Variants in STOM observed in about 807,000 individuals in gnomAD.
STOM encodes stomatin.
STOM carries 25 observed loss-of-function variants against 30.6 expected under a neutral mutation model. The observed-to-expected ratio is 0.82, with a 90% CI of 0.60 to 1.14. STOM has a LOEUF of 1.14. STOM is among the 50% of genes most tolerant of loss of function. The pLI is 0.00. For synonymous variants in STOM, 118 were observed against 130.8 expected, an observed-to-expected ratio of 0.90 and a Z score of 0.67; for missense variants, 292 against 365.2, an observed-to-expected ratio of 0.80 and a Z score of 1.63.
At chr9:121,341,767 A>G (rs1342383980) in intron 6 of STOM, among the ~76,000 whole-genome samples, 2 of 152,224 alleles carry the variant, frequency 1.3e-5, no homozygotes, top group Non-Finnish European at 2.9e-5. Flanking sequence ...CAATTCTCTG[A>G]TGAGTACCTT....
Position 121,340,524 on chromosome 9 carries a change from G to A in STOM, c.*678C>T. On this transcript the variant is annotated 3_prime_UTR_variant, in exon 7 of 7. Coordinates refer to ENST00000286713, the MANE Select transcript of STOM (RefSeq NM_004099.6). ...GGCAGAGGTGGGTGGATCACCTGAG[G>A]TTAGGAGTTCGTGACTAGCCTGGCC... The A allele has an allele frequency of 1.1e-6, 1 of 870,488 alleles. No individual in the cohort carries two copies. The highest frequency in any genetic ancestry group is 5.8e-4 in the Middle Eastern group (1 of 1,716). 53.9% of individuals were successfully genotyped at this position (870,488 alleles called of 1,614,324 possible).
intron 1 of STOM, among the ~76,000 whole-genome samples, chr9:121,362,351 T>C (rs2064461757): frequency 1.3e-5 from 2 of 152,216 alleles, no homozygotes; most frequent in Admixed American, 1.3e-4. Context: ...AAGAATGGTA[T>C]ACACAGTGAT....
intron 6 of STOM, among the ~76,000 whole-genome samples, chr9:121,341,762 C>A (rs1215713807): frequency 6.6e-6 from 1 of 152,150 alleles, no homozygotes; most frequent in African/African-American, 2.4e-5. Flanking sequence ...ATTTCCAATT[C>A]TCTGATGAGT....
chr9:121,340,985 T>G lies in STOM; in HGVS notation c.*217A>C. The G allele has an allele frequency of 7.2e-7, 1 of 1,396,866 alleles. No individual in the cohort carries two copies. The highest frequency in any genetic ancestry group is 1.4e-5 in the African/African-American group (1 of 69,024). 86.5% of individuals were successfully genotyped at this position (1,396,866 alleles called of 1,614,324 possible). A position where few individuals can be genotyped will look rare whatever the true frequency, so the allele number is the denominator to read the frequency against. On this transcript the variant is annotated 3_prime_UTR_variant, in exon 7 of 7. Transcript: ENST00000286713. ...ACATAATAATCTAAAAATACAAACT[T>G]TTAACTATTTTAAGACTAACAGATT...
chr9:121,354,724 C>T (rs751855595), intron 2 of STOM, 51 bp from the exon 3 acceptor site: 4 of 1,347,790 alleles, frequency 3.0e-6, no homozygotes, highest in Non-Finnish European at 4.2e-6. Flanking sequence ...CAAATATATA[C>T]ATGCATGGCT....
chr9:121,370,135 G>A lies in STOM; in HGVS notation c.53C>T (p.Ser18Phe), dbSNP rs2064551129. The A allele has an allele frequency of 6.5e-7, 1 of 1,545,490 alleles. No individual in the cohort carries two copies. The stretch of plus-strand genomic sequence containing the variant: ...GGGGACGCGGGACTCACCCTTGAAG[G>A]AGTCGGGGAGCCGCTGGGCTTCGGA... ...RDSEAQRLPDSFKDSPSKGLG... is the reference protein window; with the variant it reads ...RDSEAQRLPDFFKDSPSKGLG... The change falls in exon 1 of 7, where the codon TCC (serine) becomes TTC (phenylalanine). Residue 18 changes from serine (S) to phenylalanine (F), a missense_variant. Ser to Phe is a radical substitution (Grantham distance 155, BLOSUM62 -2). Transcript: ENST00000286713.
At chr9:121,360,403 G>C (rs182485154) in intron 1 of STOM, among the ~76,000 whole-genome samples, 1 of 152,040 alleles carries the variant, frequency 6.6e-6, no homozygotes, top group Non-Finnish European at 1.5e-5. Flanking sequence ...GAGATTCCCT[G>C]AGAACGAGGA....
At chr9:121,358,897 T>C (rs933633418) in intron 1 of STOM, among the ~76,000 whole-genome samples, 2 of 152,216 alleles carry the variant, frequency 1.3e-5, no homozygotes, top group Admixed American at 6.5e-5. Context: ...TGGACTTCCT[T>C]CATCTGGTGT....
intron 1 of STOM, among the ~76,000 whole-genome samples, chr9:121,369,706 G>C (rs374528877): frequency 2.6e-5 from 4 of 152,164 alleles, no homozygotes; most frequent in African/African-American, 7.2e-5. Flanking sequence ...GGCCAGGGCT[G>C]GGTGGAGGAG....
intron 1 of STOM, among the ~76,000 whole-genome samples, chr9:121,367,357 T>C (rs903769221): frequency 3.3e-5 from 5 of 152,172 alleles, no homozygotes; most frequent in African/African-American, 1.2e-4. Flanking sequence ...CTAGGTAAAA[T>C]TTATACCATC....
intron 1 of STOM, among the ~76,000 whole-genome samples, chr9:121,356,896 T>C (rs1287713240): frequency 6.6e-6 from 1 of 152,056 alleles, no homozygotes; most frequent in Non-Finnish European, 1.5e-5. Context: ...GGCAGGAGAA[T>C]TGCATGAACC....
intron 6 of STOM, among the ~76,000 whole-genome samples, chr9:121,343,300 G>T (rs2064262281): frequency 6.6e-6 from 1 of 152,166 alleles, no homozygotes; most frequent in African/African-American, 2.4e-5. Flanking sequence ...ATCAGAATTG[G>T]AGGTGATGGT....
intron 6 of STOM, among the ~76,000 whole-genome samples, chr9:121,342,329 T>G (rs1341459148): frequency 2.7e-5 from 4 of 150,672 alleles, no homozygotes; most frequent in Non-Finnish European, 5.9e-5. Context: ...ATGCCACTGC[T>G]GCACTCCAGC....
chr9:121,369,080 G>A (rs1473295144), intron 1 of STOM, among the ~76,000 whole-genome samples: 1 of 152,190 alleles, frequency 6.6e-6, no homozygotes, highest in Non-Finnish European at 1.5e-5. Context: ...AAAAAGTGAG[G>A]AATAAAGATT....
chr9:121,353,341 C>T, intron 3 of STOM, 39 bp from the exon 4 acceptor site: 2 of 1,379,534 alleles, frequency 1.4e-6, no homozygotes, highest in Non-Finnish European at 2.0e-6. Context: ...ACACCAGCAA[C>T]CTAATCAGTT....
intron 1 of STOM, among the ~76,000 whole-genome samples, chr9:121,363,773 G>A (rs572716562): frequency 1.7e-4 from 26 of 152,296 alleles, no homozygotes; most frequent in African/African-American, 6.3e-4. Context: ...CTATTTATTT[G>A]AGGAGGAAGA....
intron 1 of STOM, among the ~76,000 whole-genome samples, chr9:121,369,655 G>A (rs564078948): frequency 1.3e-3 from 195 of 152,310 alleles, no homozygotes; most frequent in African/African-American, 4.5e-3. Flanking sequence ...CTAAGTTTCG[G>A]GAGGTGGGAT....
In STOM at chr9:121,341,003, A is replaced by C. The variant is rs1399363831; in HGVS notation, c.*199T>G. Reference sequence around the variant, plus strand: ...ACAAACTTTTAACTATTTTAAGACTAACAGATTACCTTATATAAATCACCA... The same window carrying C: ...ACAAACTTTTAACTATTTTAAGACTCACAGATTACCTTATATAAATCACCA... On this transcript the variant is annotated 3_prime_UTR_variant, in exon 7 of 7. Transcript: ENST00000286713. 1 of 1,422,384 alleles carries C rather than the reference A, an allele frequency of 7.0e-7. No homozygotes were observed. Among genetic ancestry groups the C allele is most frequent in the East Asian group, 2.6e-5 (1 of 39,146 alleles). 88.1% of individuals were successfully genotyped at this position (1,422,384 alleles called of 1,614,324 possible).
intron 4 of STOM, 103 bp from the exon 5 acceptor site, chr9:121,349,426 TC>T (rs1166620446): frequency 3.1e-6 from 3 of 962,638 alleles, no homozygotes; most frequent in Non-Finnish European, 4.7e-6. Context: ...TAGCTGATTT[TC>T]TTTAGTAAGG....
Sources: gnomAD v4.1 joint callset for allele counts (sites outside exome capture counted in the v4.1 genomes callset) on GRCh38, gnomAD v4.1.1 for gene constraint, MANE v1.5 for transcripts, NCBI Gene and HGNC (gene_info 2026-07-23, HGNC 2026-07-21) for gene names.